GPI: variants seen among roughly 807,000 people sequenced by gnomAD.
GPI encodes the protein glucose-6-phosphate isomerase.
GPI carries 56 observed loss-of-function variants against 75.8 expected under a neutral mutation model. The observed-to-expected ratio is 0.74, with a 90% CI of 0.60 to 0.92. The LOEUF (loss-of-function observed/expected upper bound fraction) is 0.92, where lower values mean the gene tolerates loss of function less well. GPI is among the 40% of genes least tolerant of loss of function. The pLI is 0.00. For synonymous variants in GPI, 288 were observed against 285.4 expected, an observed-to-expected ratio of 1.01 and a Z score of -0.09; for missense variants, 638 against 741.0, an observed-to-expected ratio of 0.86 and a Z score of 1.61.
upstream of GPI, among the ~76,000 whole-genome samples, chr19:34,360,329 A>C (rs1258198866): frequency 6.6e-6 from 1 of 152,196 alleles, no homozygotes; most frequent in African/African-American, 2.4e-5. Context: ...ACAGTGACGC[A>C]TACCTGTAAT....
intron 6 of GPI, 136 bp from the exon 7 acceptor site, chr19:34,378,798 C>G: frequency 1.4e-6 from 1 of 725,568 alleles, no homozygotes; most frequent in Non-Finnish European, 2.6e-6. Flanking sequence ...GGTTATGTGG[C>G]GTCACTGTCA....
Position 34,393,799 on chromosome 19 carries a change from A to G in GPI, c.909+28A>G, listed in dbSNP as rs749937082. 1.5e-5 allele frequency: 24 copies of G among 1,611,928 alleles called. No homozygotes were observed. The highest frequency in any genetic ancestry group is 2.0e-5 in the Non-Finnish European group (24 of 1,179,326). On this transcript the variant is annotated intron_variant, in intron 11 of 17. Transcript: ENST00000356487. The surrounding 1 kb of genome is among the most constrained non-coding windows in gnomAD (Gnocchi z 4.4). ...GAGTGCTGAGGCTGGTTCTCTGCCAAGTGCTGGCCAGAGGCGCGTGTGTTG... is the reference window on the plus strand; with the variant it reads ...GAGTGCTGAGGCTGGTTCTCTGCCAGGTGCTGGCCAGAGGCGCGTGTGTTG...
In GPI at chr19:34,400,321, A is replaced by G. The variant is rs3202337; in HGVS notation, c.*285A>G. The G allele has an allele frequency of 1.7e-6, 1 of 595,742 alleles. No individual in the cohort carries two copies. Among genetic ancestry groups the G allele is most frequent in the Admixed American group, 3.0e-5 (1 of 33,780 alleles). The allele number at this position is 595,742 out of a possible 1,614,324, so 36.9% of individuals were successfully genotyped here. A position where few individuals can be genotyped will look rare whatever the true frequency, so the allele number is the denominator to read the frequency against. ...TCCCATGTAGAAAAATAAAGATGCC[A>G]CGGAGGAGGTTGTAGGCTCAGCCTC... On this transcript the variant is annotated 3_prime_UTR_variant, in exon 18 of 18. Coordinates refer to ENST00000356487, the MANE Select transcript of GPI (RefSeq NM_000175.5).
Position 34,400,155 on chromosome 19 carries a change from G to A in GPI, c.*119G>A, listed in dbSNP as rs2075002306. 10 of 1,089,154 alleles carry A rather than the reference G, an allele frequency of 9.2e-6. No homozygotes were observed. Among genetic ancestry groups the A allele is most frequent in the Non-Finnish European group, 1.4e-5 (10 of 719,282 alleles). 67.5% of individuals were successfully genotyped at this position (1,089,154 alleles called of 1,614,324 possible). A position where few individuals can be genotyped will look rare whatever the true frequency, so the allele number is the denominator to read the frequency against. ...AGAGCACCCTCTGGTTGTGGGCTTGGACCACGAGCCCTTAGCAGGGAAGGC... is the reference window on the plus strand; with the variant it reads ...AGAGCACCCTCTGGTTGTGGGCTTGAACCACGAGCCCTTAGCAGGGAAGGC... On this transcript the variant is annotated 3_prime_UTR_variant, in exon 18 of 18. Coordinates refer to ENST00000356487, the MANE Select transcript of GPI (RefSeq NM_000175.5).
At chr19:34,364,295 T>C (rs572635127), upstream of GPI, among the ~76,000 whole-genome samples, 1 of 152,150 alleles carries the variant, frequency 6.6e-6, no homozygotes, top group South Asian at 2.1e-4. Context: ...GCTGGGATTA[T>C]AGGCAGGAGT....
At position 34,368,707 on chromosome 19, in the gene GPI, G is replaced by A; in HGVS notation, c.402+5G>A. 1 of 1,614,226 alleles carries A rather than the reference G, an allele frequency of 6.2e-7. No homozygotes were observed. Among genetic ancestry groups the A allele is most frequent in the Non-Finnish European group, 8.5e-7 (1 of 1,180,034 alleles). ...AAGATGAAGTCTTTCTGCCAGGTAA[G>A]TGGCTACTGGGCCGGACTCACCCTT... On this transcript the variant is annotated splice_donor_5th_base_variant and intron_variant, in intron 4 of 17. Transcript: ENST00000356487.
At chr19:34,395,920 CTTTCT>C in intron 12 of GPI, among the ~76,000 whole-genome samples, 1 of 149,124 alleles carries the variant, frequency 6.7e-6, no homozygotes, top group Middle Eastern at 3.5e-3. Context: ...CTTTCTTTTC[CTTTCT>C]TTTCCTTTTT....
At position 34,377,358 on chromosome 19, in the gene GPI, T is replaced by TATATATATATATATATAC. The variant is rs1233755775; in HGVS notation, c.403-145_403-144insATATATATATATATATAC. On this transcript the variant is annotated intron_variant, in intron 4 of 17. Transcript: ENST00000356487. ...AAAAATATATATATATATATATATA[T>TATATATATATATATATAC]GGTAAATTAAAAACAAAAAAATAGA... 73 of 299,710 alleles carry TATATATATATATATATAC rather than the reference T, an allele frequency of 2.4e-4. 1 individual carries two copies. The African/African-American group carries it at 2.5e-3, about 10-fold the overall frequency. The allele number at this position is 299,710 out of a possible 1,614,324, so 18.6% of individuals were successfully genotyped here.
rs757341382 is a variant in GPI, at chr19:34,368,601, G to A, written c.301G>A (p.Val101Met). 8.7e-6 allele frequency: 14 copies of A among 1,614,042 alleles called. No individual in the cohort carries two copies. Among genetic ancestry groups the A allele is most frequent in the Non-Finnish European group, 1.1e-5 (13 of 1,180,016 alleles). Residue 101 changes from valine to methionine, a missense_variant, in exon 4 of 18, where the codon GTG (valine) becomes ATG (methionine). Transcript: ENST00000356487. ...TCCCCAGGGTCGAGCCGTGCTGCACGTGGCTCTGCGGAACCGGTCAAACAC... is the reference window on the plus strand; with the variant it reads ...TCCCCAGGGTCGAGCCGTGCTGCACATGGCTCTGCGGAACCGGTCAAACAC... Reference protein sequence around the residue: ...NYTEGRAVLHVALRNRSNTPI... With the variant: ...NYTEGRAVLHMALRNRSNTPI...
chr19:34,394,720 CT>C (rs905606438), intron 12 of GPI, among the ~76,000 whole-genome samples: 136 of 144,452 alleles, frequency 9.4e-4, no homozygotes, highest in African/African-American at 8.8e-4. Context: ...CCTGTCCCTG[CT>C]TTTTTTTTTT....
At chr19:34,377,678 G>C in intron 5 of GPI, 57 bp from the exon 6 acceptor site, 1 of 1,599,218 alleles carries the variant, frequency 6.3e-7, no homozygotes, top group South Asian at 1.1e-5. Flanking sequence ...GGACCTGGCT[G>C]TCTCCACTTT....
chr19:34,363,910 C>T (rs73028325), upstream of GPI, among the ~76,000 whole-genome samples: 195 of 152,344 alleles, frequency 1.3e-3, no homozygotes, highest in Non-Finnish European at 2.6e-3. Flanking sequence ...TCAGTGAAAT[C>T]TTAAGAGTTG....
intron 6 of GPI, 111 bp from the exon 7 acceptor site, chr19:34,378,823 C>T (rs538761411): frequency 1.3e-6 from 1 of 797,744 alleles, no homozygotes; most frequent in East Asian, 2.5e-5. Flanking sequence ...CCTGCAAATA[C>T]TGCTCCATGG....
At chr19:34,375,250 C>T (rs556572189) in intron 4 of GPI, among the ~76,000 whole-genome samples, 2 of 151,446 alleles carry the variant, frequency 1.3e-5, no homozygotes, top group African/African-American at 4.9e-5. Context: ...TTAAGCAATT[C>T]TCCTGCCTCA....
chr19:34,366,365 A>G lies in GPI; in HGVS notation c.143A>G (p.His48Arg), dbSNP rs778976371. ...NHFSLTLNTN[H>R]GHILVDYSKN... ...TGCAGCTTGACCCTCAACACCAACC[A>G]TGGGCATATCCTGGTGGATTACTCC... Residue 48 changes from histidine (H) to arginine (R), a missense_variant, in exon 2 of 18, where the codon CAT (histidine) becomes CGT (arginine). By Grantham distance (29) the His-to-Arg change is conservative. Transcript: ENST00000356487. 4 of 1,612,432 alleles carry G rather than the reference A, an allele frequency of 2.5e-6. No individual in the cohort carries two copies. The highest frequency in any genetic ancestry group is 2.2e-5 in the East Asian group (1 of 44,868).
At chr19:34,380,257 A>G (rs2074629138) in intron 8 of GPI, among the ~76,000 whole-genome samples, 1 of 150,318 alleles carries the variant, frequency 6.7e-6, no homozygotes, top group Non-Finnish European at 1.5e-5. Context: ...CAGCCTCCCA[A>G]AGTGCTGGGA....
intron 9 of GPI, among the ~76,000 whole-genome samples, chr19:34,389,818 C>A (rs1288856900): frequency 1.3e-5 from 2 of 152,182 alleles, no homozygotes; most frequent in Non-Finnish European, 2.9e-5. Context: ...TTCTCAGTTT[C>A]ACATTTATTG....
At chr19:34,369,775 T>C (rs977789037) in intron 4 of GPI, among the ~76,000 whole-genome samples, 4 of 151,794 alleles carry the variant, frequency 2.6e-5, no homozygotes, top group African/African-American at 2.4e-5. Flanking sequence ...TAAAGTTTCC[T>C]GTAGCCAGGC....
chr19:34,363,717 G>T (rs549496806), upstream of GPI, among the ~76,000 whole-genome samples: 1 of 152,322 alleles, frequency 6.6e-6, no homozygotes, highest in Non-Finnish European at 1.5e-5. Context: ...CTACTCAGGA[G>T]GCTGAGGCAG....
Sources: allele counts gnomAD v4.1 joint callset (sites outside exome capture counted in the v4.1 genomes callset), GRCh38; gene constraint gnomAD v4.1.1; non-coding constraint Gnocchi (gnomAD v3.1); transcripts MANE v1.5; gene names NCBI Gene and HGNC (gene_info 2026-07-23, HGNC 2026-07-21).